The following PTPRD variants were observed in gnomAD, a reference collection of about 807,000 sequenced individuals.
The protein encoded by PTPRD is protein tyrosine phosphatase receptor type D.
PTPRD carries 34 observed loss-of-function variants against 214.5 expected under a neutral mutation model. The observed-to-expected ratio is 0.16, with a 90% CI of 0.12 to 0.21. The LOEUF (loss-of-function observed/expected upper bound fraction) is 0.21. Among genes scored for constraint, PTPRD ranks in the 10% least tolerant of loss-of-function variants. The pLI is 1.00. For synonymous variants in PTPRD, 1,128 were observed against 845.7 expected, an observed-to-expected ratio of 1.33 and a Z score of -5.79; for missense variants, 2,545 against 2,398.7, an observed-to-expected ratio of 1.06 and a Z score of -1.27.
intron 44 of PTPRD, among the ~76,000 whole-genome samples, chr9:8,326,339 T>A (rs1056376570): frequency 6.6e-6 from 1 of 152,220 alleles, no homozygotes; most frequent in Admixed American, 6.5e-5. Context: ...ATGTGGTTTT[T>A]GTCATTGGCT....
At chr9:8,890,456 G>A (rs116122583) in intron 11 of PTPRD, among the ~76,000 whole-genome samples, 2,976 of 152,192 alleles carry the variant, frequency 0.02, 93 homozygotes, top group African/African-American at 0.068. Context: ...CCTTGTCTCC[G>A]CCTGAAGACT....
intron 12 of PTPRD, 56 bp downstream of exon 12, chr9:8,733,724 C>T (rs2098686549): frequency 6.5e-7 from 1 of 1,537,758 alleles, no homozygotes; most frequent in Non-Finnish European, 8.8e-7. Flanking sequence ...GTGCCAACTG[C>T]AAACAAAACC....
intron 9 of PTPRD, among the ~76,000 whole-genome samples, chr9:9,226,037 A>G (rs2099959249): frequency 6.6e-6 from 1 of 152,030 alleles, no homozygotes; most frequent in Non-Finnish European, 1.5e-5. Context: ...TATTGCACAT[A>G]AGAAAATAAT....
rs191523566 is a variant in PTPRD, at chr9:9,096,054, T to C, written c.-142-77319A>G. The stretch of plus-strand genomic sequence containing the variant: ...ATACATGGAACAAAAATAATGCATT[T>C]CAAATACACAGAGCTAGAGAACAAC... On this transcript the variant is annotated intron_variant, in intron 10 of 45. Transcript: ENST00000381196. Among the ~76,000 whole-genome samples the C allele has an allele frequency of 2.6e-3, 389 of 152,260 alleles. 2 individuals carry two copies. Among genetic ancestry groups the C allele is most frequent in the African/African-American group, 8.9e-3 (371 of 41,556 alleles).
At chr9:10,323,239 C>CCTCCCCTCCCCTTCCCTTCT (rs1174934035) in intron 3 of PTPRD, among the ~76,000 whole-genome samples, 1 of 42,470 alleles carries the variant, frequency 2.4e-5, no homozygotes, top group Non-Finnish European at 4.4e-5. Context: ...TCTCCCCTCC[C>CCTCCCCTCCCCTTCCCTTCT]CTCCCCTCCC....
intron 5 of PTPRD, among the ~76,000 whole-genome samples, chr9:9,908,263 G>A (rs1479026718): frequency 6.6e-6 from 1 of 151,952 alleles, no homozygotes; most frequent in African/African-American, 2.4e-5. Context: ...TGCTGGCAGT[G>A]ATTGCTGTAT....
At chr9:8,762,507 A>G (rs2094472949) in intron 11 of PTPRD, among the ~76,000 whole-genome samples, 2 of 152,182 alleles carry the variant, frequency 1.3e-5, no homozygotes, top group Non-Finnish European at 2.9e-5. Context: ...TTCATATAAT[A>G]AAATAAATAA....
At chr9:9,704,326 TG>T (rs2097557956) in intron 7 of PTPRD, among the ~76,000 whole-genome samples, 1 of 152,146 alleles carries the variant, frequency 6.6e-6, no homozygotes, top group Admixed American at 6.6e-5. Context: ...CCTTTACGTC[TG>T]TTTAATCATA....
intron 6 of PTPRD, among the ~76,000 whole-genome samples, chr9:9,737,404 T>G: frequency 6.6e-6 from 1 of 152,200 alleles, no homozygotes; most frequent in East Asian, 1.9e-4. Flanking sequence ...CAATTGTTTT[T>G]TCAGTATGTT....
intron 2 of PTPRD, among the ~76,000 whole-genome samples, chr9:10,552,206 T>C (rs1245480202): frequency 6.6e-6 from 1 of 152,200 alleles, no homozygotes; most frequent in East Asian, 1.9e-4. Flanking sequence ...TAACTCCAAG[T>C]TAGTGTGTGC....
chr9:10,434,301 T>G (rs1315015240), intron 2 of PTPRD, among the ~76,000 whole-genome samples: 1 of 151,918 alleles, frequency 6.6e-6, no homozygotes, highest in African/African-American at 2.4e-5. Flanking sequence ...AAGGCACTTT[T>G]TAAACTAGAA....
rs140316683 is a variant in PTPRD, at chr9:10,333,843, C to A, written c.-545+7120G>T. Reference sequence around the variant, plus strand: ...TGTGGAATTAGCTCCTGCATCTATGCACTTGACTGAGACTTGCTACCTTCT... The same window carrying A: ...TGTGGAATTAGCTCCTGCATCTATGAACTTGACTGAGACTTGCTACCTTCT... On this transcript the variant is annotated intron_variant, in intron 3 of 45. Coordinates refer to ENST00000381196, the MANE Select transcript of PTPRD (RefSeq NM_002839.4). Among the ~76,000 whole-genome samples, 454 of 151,904 alleles carry A rather than the reference C, an allele frequency of 3.0e-3. 1 individual carries two copies. Among genetic ancestry groups the A allele is most frequent in the African/African-American group, 0.01 (429 of 41,480 alleles).
intron 3 of PTPRD, among the ~76,000 whole-genome samples, chr9:10,063,654 C>T (rs978518816): frequency 1.3e-5 from 2 of 151,832 alleles, no homozygotes; most frequent in African/African-American, 4.8e-5. Flanking sequence ...TACTTGATTA[C>T]AAATATACAC....
At chr9:9,644,095 T>C (rs75645433) in intron 7 of PTPRD, among the ~76,000 whole-genome samples, 4,264 of 152,306 alleles carry the variant, frequency 0.028, 201 homozygotes, top group African/African-American at 0.098. Flanking sequence ...AAGTATTGTA[T>C]TTTATTCAAG....
At chr9:9,586,457 G>C (rs977740232) in intron 7 of PTPRD, among the ~76,000 whole-genome samples, 1 of 151,870 alleles carries the variant, frequency 6.6e-6, no homozygotes, top group African/African-American at 2.4e-5. Context: ...GCATTTTTTA[G>C]TAATAAAAAT....
intron 12 of PTPRD, among the ~76,000 whole-genome samples, chr9:8,681,527 C>G (rs927042072): frequency 2.0e-5 from 3 of 152,142 alleles, no homozygotes; most frequent in Admixed American, 2.0e-4. Context: ...TCTTTAAAAG[C>G]TTTTGTCCCT....
intron 43 of PTPRD, among the ~76,000 whole-genome samples, chr9:8,335,222 G>A (rs372645887): frequency 1.3e-5 from 2 of 149,948 alleles, no homozygotes; most frequent in South Asian, 2.1e-4. Flanking sequence ...CAATATCCCT[G>A]ATGAACATCG....
intron 9 of PTPRD, among the ~76,000 whole-genome samples, chr9:9,348,203 G>C (rs2049663577): frequency 6.6e-6 from 1 of 152,072 alleles, no homozygotes; most frequent in African/African-American, 2.4e-5. Context: ...TTTTATATAG[G>C]TGAGAACAAA....
intron 12 of PTPRD, among the ~76,000 whole-genome samples, chr9:8,661,798 G>T (rs1565085415): frequency 6.6e-6 from 1 of 152,170 alleles, no homozygotes; most frequent in Non-Finnish European, 1.5e-5. Flanking sequence ...TGCAGTTATA[G>T]TAAAGTAAAA....
Sources: allele counts gnomAD v4.1 joint callset (sites outside exome capture counted in the v4.1 genomes callset), GRCh38; gene constraint gnomAD v4.1.1; transcripts MANE v1.5; gene names NCBI Gene and HGNC (gene_info 2026-07-23, HGNC 2026-07-21).